The following KCNH1 variants were observed in gnomAD, a reference collection of about 807,000 sequenced individuals.
The protein encoded by KCNH1 is voltage-gated delayed rectifier potassium channel KCNH1.
Under a neutral mutation model 69.2 loss-of-function variants are expected in KCNH1, and 27 were observed. That is an observed-to-expected ratio of 0.39 (90% confidence interval 0.29 to 0.54). The LOEUF is 0.54. Among genes scored for constraint, KCNH1 ranks in the 20% least tolerant of loss-of-function variants. The probability of loss-of-function intolerance (pLI) is 0.68; values close to 1 mark genes in which losing one functional copy is unlikely to be tolerated. For synonymous variants in KCNH1, 456 were observed against 487.7 expected (o/e 0.93, Z 0.86); for missense variants, 798 against 1,261.6 (o/e 0.63, Z 5.57).
At chr1:210,723,010 A>G (rs1048575214) in intron 10 of KCNH1, among the ~76,000 whole-genome samples, 5 of 152,156 alleles carry the variant, frequency 3.3e-5, no homozygotes, top group Non-Finnish European at 7.4e-5. Flanking sequence ...ATCAACACCA[A>G]TTTATGGAAA....
At chr1:210,859,924 T>A in intron 7 of KCNH1, 2 of 1,462,948 alleles carry the variant, frequency 1.4e-6, no homozygotes, top group Non-Finnish European at 1.9e-6. Flanking sequence ...AAAGCTGCAA[T>A]TGCAACTTGC....
At chr1:210,931,043 G>C (rs1687671411) in intron 6 of KCNH1, among the ~76,000 whole-genome samples, 1 of 152,088 alleles carries the variant, frequency 6.6e-6, no homozygotes, top group Non-Finnish European at 1.5e-5. Flanking sequence ...CAGTGAAAAG[G>C]GAACACTTTT....
At position 210,694,182 on chromosome 1, in the gene KCNH1, GACCAT is replaced by G. The variant is rs557924654; in HGVS notation, c.2113-10049_2113-10045del. On this transcript the variant is annotated intron_variant, in intron 10 of 10. Transcript: ENST00000271751. ...GAAAGCCTAGAACCCCTAGAATGAA[GACCAT>G]GCCGGTAAAGACAGGGGAAATAGGG... 5.2e-3 allele frequency among the ~76,000 whole-genome samples: 796 copies of G among 152,206 alleles called. 2 individuals carry two copies. Among genetic ancestry groups the G allele is most frequent in the African/African-American group, 0.018 (766 of 41,532 alleles).
chr1:210,768,859 G>T (rs1683693961), intron 10 of KCNH1, among the ~76,000 whole-genome samples: 1 of 152,084 alleles, frequency 6.6e-6, no homozygotes, highest in African/African-American at 2.4e-5. Flanking sequence ...TCGGGGTACT[G>T]GGGAACACCT....
intron 10 of KCNH1, among the ~76,000 whole-genome samples, chr1:210,725,507 C>T (rs775099766): frequency 3.3e-5 from 5 of 152,132 alleles, no homozygotes; most frequent in Non-Finnish European, 7.4e-5. Flanking sequence ...AATGATGGAC[C>T]TGCCTATGGC....
At chr1:210,953,248 G>T (rs1688097015) in intron 6 of KCNH1, among the ~76,000 whole-genome samples, 1 of 152,038 alleles carries the variant, frequency 6.6e-6, no homozygotes, top group Non-Finnish European at 1.5e-5. Flanking sequence ...AAAGTATTTT[G>T]CTCCCTCCAG....
chr1:210,829,864 A>T (rs1685121482), intron 7 of KCNH1, among the ~76,000 whole-genome samples: 1 of 152,210 alleles, frequency 6.6e-6, no homozygotes, highest in Non-Finnish European at 1.5e-5. Flanking sequence ...TCATAAAATT[A>T]TTCAGTTTAT....
At chr1:210,962,933 A>C (rs1688324158) in intron 6 of KCNH1, among the ~76,000 whole-genome samples, 1 of 150,474 alleles carries the variant, frequency 6.6e-6, no homozygotes, top group Admixed American at 6.7e-5. Context: ...ATCGTTTCGT[A>C]TGTTGGTAGT....
chr1:210,819,216 T>C (rs1490544286), intron 7 of KCNH1, among the ~76,000 whole-genome samples: 1 of 152,134 alleles, frequency 6.6e-6, no homozygotes, highest in Non-Finnish European at 1.5e-5. Context: ...TTTTTCCTAG[T>C]TGAGAGGAAA....
At chr1:210,987,237 T>C (rs1411445688) in intron 6 of KCNH1, among the ~76,000 whole-genome samples, 1 of 152,200 alleles carries the variant, frequency 6.6e-6, no homozygotes, top group African/African-American at 2.4e-5. Context: ...AACTTCCTCC[T>C]TTAGCTCGGA....
At chr1:211,088,857 T>C (rs1691002807) in intron 4 of KCNH1, among the ~76,000 whole-genome samples, 1 of 152,172 alleles carries the variant, frequency 6.6e-6, no homozygotes, top group Admixed American at 6.6e-5. Context: ...GTACCAAAAC[T>C]CTTATCAGCA....
intron 5 of KCNH1, among the ~76,000 whole-genome samples, chr1:211,040,131 C>T (rs1000417038): frequency 2.0e-5 from 3 of 147,078 alleles, no homozygotes; most frequent in Admixed American, 7.0e-5. Context: ...GCAGAGCTTG[C>T]AGTGAGCCAA....
chr1:210,798,670 G>A (rs1278256357), intron 8 of KCNH1, among the ~76,000 whole-genome samples: 3 of 152,210 alleles, frequency 2.0e-5, no homozygotes, highest in Non-Finnish European at 4.4e-5. Context: ...AGGGTGTCAA[G>A]AGTCTAGTCA....
intron 10 of KCNH1, among the ~76,000 whole-genome samples, chr1:210,702,434 A>C (rs577011616): frequency 1.3e-5 from 2 of 152,066 alleles, no homozygotes; most frequent in Admixed American, 1.3e-4. Flanking sequence ...ATCTTCTATA[A>C]GATTTCTTTG....
rs1435497929 is a variant in KCNH1 at position 210,881,845 on chromosome 1, A to G, written c.1462+37795T>C. 3.3e-5 allele frequency among the ~76,000 whole-genome samples: 5 copies of G among 152,252 alleles called. No individual in the cohort carries two copies. The East Asian group carries it at 9.6e-4, about 29-fold the overall frequency. ...CTAGAAAAGGCTAAACTACGGAGACAGAAAAAAGATCAAATGTTTCCTGGA... is the reference window on the plus strand; with the variant it reads ...CTAGAAAAGGCTAAACTACGGAGACGGAAAAAAGATCAAATGTTTCCTGGA... On this transcript the variant is annotated intron_variant, in intron 7 of 10. Transcript: ENST00000271751.
At chr1:210,898,597 CTG>C (rs1686921680) in intron 7 of KCNH1, among the ~76,000 whole-genome samples, 1 of 151,690 alleles carries the variant, frequency 6.6e-6, no homozygotes, top group Non-Finnish European at 1.5e-5. Flanking sequence ...TGAGCACCCA[CTG>C]TGAGCCAGGC....
At chr1:210,856,571 G>T (rs1485776313) in intron 7 of KCNH1, among the ~76,000 whole-genome samples, 1 of 151,270 alleles carries the variant, frequency 6.6e-6, no homozygotes, top group Non-Finnish European at 1.5e-5. Context: ...TCTGCCATGT[G>T]CACAAAATTA....
chr1:210,814,517 T>C (rs539952445), intron 7 of KCNH1, among the ~76,000 whole-genome samples: 1 of 152,328 alleles, frequency 6.6e-6, no homozygotes, highest in South Asian at 2.1e-4. Context: ...TCATGTCATC[T>C]GCTGTTCTGG....
chr1:211,038,122 G>A lies in KCNH1; in HGVS notation c.559-18866C>T, dbSNP rs563373127. On this transcript the variant is annotated intron_variant, in intron 5 of 10. Transcript: ENST00000271751. The stretch of plus-strand genomic sequence containing the variant: ...CTACCGGCACCCACCACCACGCCTG[G>A]CTAAATTTTTTGTATTTTTTAGTAG... Among the ~76,000 whole-genome samples, 42 of 152,032 alleles carry A rather than the reference G, an allele frequency of 2.8e-4. No individual in the cohort carries two copies. In the South Asian group the frequency reaches 8.5e-3, roughly 31 times the overall value.
Sources: gnomAD v4.1 joint callset for allele counts (sites outside exome capture counted in the v4.1 genomes callset) on GRCh38, gnomAD v4.1.1 for gene constraint, MANE v1.5 for transcripts, NCBI Gene and HGNC (gene_info 2026-07-23, HGNC 2026-07-21) for gene names.